Variants in SNAPC5 observed in about 807,000 individuals in gnomAD.
The protein encoded by SNAPC5 is snRNA-activating protein complex subunit 5.
A neutral mutation model predicts 9.1 loss-of-function variants in SNAPC5; 12 were observed. The observed-to-expected ratio is 1.32, with a 90% CI of 0.85 to 2.15. The LOEUF (loss-of-function observed/expected upper bound fraction) is 2.15. SNAPC5 is among the 30% of genes most tolerant of loss of function. The pLI is 0.00. For missense variants in SNAPC5, 132 were observed against 114.4 expected (o/e 1.15, Z -0.70); for synonymous variants, 52 against 47.3 (o/e 1.10, Z -0.41).
Position 66,494,293 on chromosome 15 carries a change from G to C in SNAPC5, c.*143C>G, listed in dbSNP as rs938840975. 3 of 649,642 alleles carry C rather than the reference G, an allele frequency of 4.6e-6. No homozygotes were observed. The African/African-American group carries it at 5.4e-5, about 12-fold the overall frequency. 40.2% of individuals were successfully genotyped at this position (649,642 alleles called of 1,614,324 possible). A position where few individuals can be genotyped will look rare whatever the true frequency, so the allele number is the denominator to read the frequency against. ...TTGAGTTACCGATGGAGCCATTTTTGCAACTACACATCCTCCTTATAGTTC... is the reference window on the plus strand; with the variant it reads ...TTGAGTTACCGATGGAGCCATTTTTCCAACTACACATCCTCCTTATAGTTC... On this transcript the variant is annotated 3_prime_UTR_variant, in exon 3 of 3. Coordinates refer to ENST00000316634, the MANE Select transcript of SNAPC5 (RefSeq NM_001329615.2).
chr15:66,492,504 A>G (rs904668180), downstream of SNAPC5, among the ~76,000 whole-genome samples: 1 of 151,184 alleles, frequency 6.6e-6, no homozygotes, highest in African/African-American at 2.4e-5. Flanking sequence ...TTTTCAACAT[A>G]TAAACATTTA....
chr15:66,491,040 G>T (rs56366941), downstream of SNAPC5: 16,217 of 401,246 alleles, frequency 0.04, 446 homozygotes, highest in Non-Finnish European at 0.055. Context: ...AGGGAGCCTT[G>T]TGAGATCCTT....
downstream of SNAPC5, chr15:66,490,567 C>T (rs1893221633): frequency 1.2e-6 from 2 of 1,614,080 alleles, no homozygotes; most frequent in Non-Finnish European, 1.7e-6. Flanking sequence ...TCTGCTCCAC[C>T]ATCGGCCTTA....
chr15:66,495,079 A>G, intron 2 of SNAPC5: 2 of 512,582 alleles, frequency 3.9e-6, no homozygotes, highest in Non-Finnish European at 7.1e-6. Flanking sequence ...CTGAGTAACT[A>G]GACAGAATGG....
chr15:66,494,837 A>G, intron 2 of SNAPC5: 1 of 367,938 alleles, frequency 2.7e-6, no homozygotes, highest in Non-Finnish European at 5.0e-6. Flanking sequence ...ATGGTTTTAA[A>G]TGTCTTAACA....
At chr15:66,496,472 A>C (rs1893437765) in intron 1 of SNAPC5, among the ~76,000 whole-genome samples, 1 of 152,022 alleles carries the variant, frequency 6.6e-6, no homozygotes, top group African/African-American at 2.4e-5. Context: ...TCTCAAAAAA[A>C]AGATTCTGAA....
chr15:66,496,525 T>C (rs1333285358), intron 1 of SNAPC5, among the ~76,000 whole-genome samples: 2 of 70,736 alleles, frequency 2.8e-5, no homozygotes, highest in African/African-American at 8.1e-5. Flanking sequence ...TCCCTGGGAC[T>C]TTTTTTTTTT....
In SNAPC5 at chr15:66,494,443, T is replaced by A. The variant is rs139309951; in HGVS notation, c.290A>T (p.Asp97Val). The change falls in exon 3 of 3, where the codon GAT becomes GTT. Residue 97 changes from aspartate (D) to valine (V), a missense_variant. Asp to Val is a radical substitution (Grantham distance 152). Transcript: ENST00000316634. ...CCTGGCTTTCCCCCTCCTTTAGGAATCTGATTCTTCTTCCTCTTCCTCCTC... is the reference window on the plus strand; with the variant it reads ...CCTGGCTTTCCCCCTCCTTTAGGAAACTGATTCTTCTTCCTCTTCCTCCTC... ...EEEEEEEEES[D>V]S 7 of 1,608,114 alleles carry A rather than the reference T, an allele frequency of 4.4e-6. No individual in the cohort carries two copies. The highest frequency in any genetic ancestry group is 1.3e-5 in the African/African-American group (1 of 74,826).
At chr15:66,490,362 G>C, downstream of SNAPC5, 1 of 756,740 alleles carries the variant, frequency 1.3e-6, no homozygotes, top group Non-Finnish European at 2.4e-6. Context: ...TGGCCCCACT[G>C]TTGCTCAGGG....
chr15:66,496,843 T>A (rs1595892973), intron 1 of SNAPC5: 1 of 152,140 alleles, frequency 6.6e-6, no homozygotes, highest in Non-Finnish European at 1.5e-5. Context: ...ATACAAAAAT[T>A]AGCCGGGCGT....
Position 66,497,665 on chromosome 15 carries a change from G to T in SNAPC5, c.67C>A (p.His23Asn). The T allele has an allele frequency of 6.2e-7, 1 of 1,614,074 alleles. No homozygotes were observed. The highest frequency in any genetic ancestry group is 8.5e-7 in the Non-Finnish European group (1 of 1,179,980). Residue 23 changes from histidine (H) to asparagine (N), a missense_variant, in exon 1 of 3, where the codon CAC (histidine) becomes AAC (asparagine). Transcript: ENST00000316634. Reference protein sequence around the residue: ...ETLLRLKAALHDQLNRLKVEE... With the variant: ...ETLLRLKAALNDQLNRLKVEE... The stretch of plus-strand genomic sequence containing the variant: ...ACCTTGAGGCGGTTCAGCTGGTCGT[G>T]CAGGGCTGCCTTCAACCGCAGCAGC...
downstream of SNAPC5, chr15:66,490,188 T>G (rs765189744): frequency 3.8e-6 from 2 of 530,740 alleles, no homozygotes; most frequent in Non-Finnish European, 6.8e-6. Flanking sequence ...ATATAGTATA[T>G]AATATGCACT....
downstream of SNAPC5, chr15:66,489,914 C>CA: frequency 1.3e-6 from 1 of 756,388 alleles, no homozygotes; most frequent in South Asian, 1.4e-5. Flanking sequence ...ACACCAGTCT[C>CA]CTTTGCTCTC....
chr15:66,497,663 G>T lies in SNAPC5; in HGVS notation c.69C>A (p.His23Gln), dbSNP rs201053609. Residue 23 changes from histidine (H) to glutamine (Q), a missense_variant, in exon 1 of 3, where the codon CAC becomes CAA. Transcript: ENST00000316634. Reference protein sequence around the residue: ...ETLLRLKAALHDQLNRLKVEE... With the variant: ...ETLLRLKAALQDQLNRLKVEE... ...TCACCTTGAGGCGGTTCAGCTGGTC[G>T]TGCAGGGCTGCCTTCAACCGCAGCA... The T allele has an allele frequency of 2.0e-5, 32 of 1,613,950 alleles. No individual in the cohort carries two copies. The highest frequency in any genetic ancestry group is 2.6e-5 in the Non-Finnish European group (31 of 1,180,002).
In SNAPC5 at chr15:66,495,435, TG is replaced by T. The variant is rs754382592; in HGVS notation, c.91-17del. On this transcript the variant is annotated splice_polypyrimidine_tract_variant and intron_variant, in intron 1 of 2. Transcript: ENST00000316634. Reference sequence around the variant, plus strand: ...ATTCTTCAACCTAGAAAAGAAGAGTTGAGGACACTTTTCCTTACTATTTCAC... The same window carrying T: ...ATTCTTCAACCTAGAAAAGAAGAGTTAGGACACTTTTCCTTACTATTTCAC... 1.2e-5 allele frequency: 18 copies of T among 1,449,310 alleles called. No individual in the cohort carries two copies. The highest frequency in any genetic ancestry group is 1.0e-4 in the Admixed American group (6 of 59,808). 89.8% of individuals were successfully genotyped at this position (1,449,310 alleles called of 1,614,324 possible).
chr15:66,495,101 G>T, intron 2 of SNAPC5: 1 of 544,252 alleles, frequency 1.8e-6, no homozygotes. Context: ...TGACGAGGAG[G>T]ATGGAGGTAA....
downstream of SNAPC5, chr15:66,490,696 T>G (rs749280724): frequency 2.1e-6 from 2 of 950,670 alleles, no homozygotes; most frequent in South Asian, 2.6e-5. Flanking sequence ...CATGCCTGTC[T>G]CTGTTCAGAT....
At chr15:66,489,878 C>A, downstream of SNAPC5, 1 of 918,008 alleles carries the variant, frequency 1.1e-6, no homozygotes, top group Non-Finnish European at 1.8e-6. Context: ...TGTGGTCCAG[C>A]TGAGCCTGGG....
At chr15:66,492,701 TA>T (rs1216251745), downstream of SNAPC5, among the ~76,000 whole-genome samples, 1 of 152,094 alleles carries the variant, frequency 6.6e-6, no homozygotes, top group African/African-American at 2.4e-5. Flanking sequence ...TTTTTTTTTT[TA>T]ATTTTTAGCC....
Sources: gnomAD v4.1 joint callset for allele counts (sites outside exome capture counted in the v4.1 genomes callset) on GRCh38, gnomAD v4.1.1 for gene constraint, MANE v1.5 for transcripts, NCBI Gene and HGNC (gene_info 2026-07-23, HGNC 2026-07-21) for gene names.